The following ENTPD5 variants were observed in gnomAD, a reference collection of about 807,000 sequenced individuals.
ENTPD5 encodes the protein ectonucleoside triphosphate diphosphohydrolase 5 (inactive), also known as nucleoside diphosphate phosphatase ENTPD5.
Under a neutral mutation model 60.2 loss-of-function variants are expected in ENTPD5, and 49 were observed. The ratio of observed to expected loss-of-function variants is 0.81; its 90% CI spans 0.65 to 1.03. The LOEUF (loss-of-function observed/expected upper bound fraction) is 1.03, where lower values mean the gene tolerates loss of function less well. Among genes scored for constraint, ENTPD5 ranks in the 50% least tolerant of loss-of-function variants. ENTPD5 has a pLI of 0.00. For synonymous variants in ENTPD5, 187 were observed against 185.4 expected (o/e 1.01, Z -0.07); for missense variants, 480 against 507.6 (o/e 0.95, Z 0.52).
downstream of ENTPD5, chr14:73,959,097 A>T: frequency 6.2e-7 from 1 of 1,614,180 alleles, no homozygotes; most frequent in Non-Finnish European, 8.5e-7. Flanking sequence ...CTGAGCTGCC[A>T]TCTGGGGACT....
Position 73,966,346 on chromosome 14 carries a change from A to T in ENTPD5, c.*582T>A. On this transcript the variant is annotated 3_prime_UTR_variant, in exon 16 of 16. Coordinates refer to ENST00000334696, the MANE Select transcript of ENTPD5 (RefSeq NM_001249.5). ...ATGCACAGTTAGGAGTTACTCTCTC[A>T]TCCTATTAATATTTAGGATGGCTCT... 1 of 152,254 alleles carries T rather than the reference A, an allele frequency of 6.6e-6. No homozygotes were observed. Among genetic ancestry groups the T allele is most frequent in the East Asian group, 1.9e-4 (1 of 5,204 alleles). The allele number at this position is 152,254 out of a possible 1,614,324, so 9.4% of individuals were successfully genotyped here. A position where few individuals can be genotyped will look rare whatever the true frequency, so the allele number is the denominator to read the frequency against.
chr14:73,972,975 T>C lies in ENTPD5; in HGVS notation c.936A>G (p.Arg312=). Residue 312 remains arginine, a synonymous_variant, in exon 13 of 16, where the codon CGA becomes CGG. Coordinates refer to ENST00000334696, the MANE Select transcript of ENTPD5 (RefSeq NM_001249.5). ...PCYAEVLRVV[R]GKLHQPEEVQ... is the part of the protein sequence containing the mutation. ...CCTCCTCTGGCTGGTGAAGTTTTCC[T>C]CGTACCACCCTCAGCACTTCGGCAT... 3.7e-6 allele frequency: 6 copies of C among 1,614,206 alleles called. No homozygotes were observed. The highest frequency in any genetic ancestry group is 5.1e-6 in the Non-Finnish European group (6 of 1,180,038).
intron 3 of ENTPD5, among the ~76,000 whole-genome samples, chr14:74,008,686 C>T (rs1010046855): frequency 1.3e-5 from 2 of 151,496 alleles, no homozygotes; most frequent in Non-Finnish European, 2.9e-5. Context: ...TGAGCCACTG[C>T]GCCTGGCCTA....
chr14:73,990,006 C>CA (rs1437153023), intron 3 of ENTPD5, among the ~76,000 whole-genome samples: 1 of 151,078 alleles, frequency 6.6e-6, no homozygotes, highest in Non-Finnish European at 1.5e-5. Flanking sequence ...GACTTCGTCT[C>CA]AAAAAAAATA....
At chr14:73,975,023 TG>T in intron 10 of ENTPD5, 38 bp from the exon 11 acceptor site, 1 of 1,499,506 alleles carries the variant, frequency 6.7e-7, no homozygotes, top group Admixed American at 1.7e-5. Flanking sequence ...ATGCTGGTCC[TG>T]AAGTTCTCTA....
intron 6 of ENTPD5, 58 bp downstream of exon 6, chr14:73,982,960 T>C (rs994476651): frequency 7.1e-6 from 11 of 1,559,720 alleles, no homozygotes; most frequent in Non-Finnish European, 3.5e-6. Context: ...TAAAAACTCA[T>C]AAAGTATTCA....
chr14:73,987,289 T>C, intron 4 of ENTPD5: 5 of 615,620 alleles, frequency 8.1e-6, no homozygotes, highest in South Asian at 7.8e-5. Context: ...CCCTGGAGTA[T>C]CCCATGTTTA....
At chr14:73,956,502 A>C (rs916327965), downstream of ENTPD5, 2 of 154,252 alleles carry the variant, frequency 1.3e-5, no homozygotes, top group Non-Finnish European at 2.9e-5. Context: ...CAGTTTCTCC[A>C]CATCCTCACC....
chr14:73,984,854 T>A (rs1013958223), intron 5 of ENTPD5, among the ~76,000 whole-genome samples: 6 of 152,146 alleles, frequency 3.9e-5, no homozygotes, highest in Non-Finnish European at 5.9e-5. Flanking sequence ...ACCCATTAAC[T>A]CATCATTTAC....
intron 5 of ENTPD5, among the ~76,000 whole-genome samples, chr14:73,984,103 C>T (rs2057804511): frequency 6.6e-6 from 1 of 152,152 alleles, no homozygotes; most frequent in East Asian, 1.9e-4. Flanking sequence ...TCTCGGCTCA[C>T]TGCAACCTCT....
chr14:74,001,650 G>C (rs555265679), intron 3 of ENTPD5, among the ~76,000 whole-genome samples: 35 of 115,320 alleles, frequency 3.0e-4, no homozygotes, highest in African/African-American at 1.1e-3. Flanking sequence ...CCTGGCGAGA[G>C]AGCAAGACCT....
chr14:73,976,273 T>A, intron 9 of ENTPD5, 51 bp downstream of exon 9: 1 of 1,515,142 alleles, frequency 6.6e-7, no homozygotes, highest in East Asian at 2.3e-5. Context: ...CTTGGCACCA[T>A]GATACGCCTG....
chr14:74,015,270 A>C (rs2058982163), intron 2 of ENTPD5, among the ~76,000 whole-genome samples: 1 of 152,058 alleles, frequency 6.6e-6, no homozygotes, highest in Admixed American at 6.6e-5. Flanking sequence ...CCTCTAAGGT[A>C]AACCCGAATA....
downstream of ENTPD5, chr14:73,962,841 A>G (rs1189185430): frequency 2.6e-6 from 2 of 769,438 alleles, no homozygotes; most frequent in Non-Finnish European, 4.5e-6. Flanking sequence ...ATGTATGTAT[A>G]TTTTTCTTTT....
At chr14:74,011,914 T>C (rs1457387513) in intron 2 of ENTPD5, among the ~76,000 whole-genome samples, 1 of 151,912 alleles carries the variant, frequency 6.6e-6, no homozygotes, top group African/African-American at 2.4e-5. Flanking sequence ...GAGGCTGAGG[T>C]GAAAGAATCA....
intron 3 of ENTPD5, among the ~76,000 whole-genome samples, chr14:74,005,265 C>CAAAAAAAAA (rs71115941): frequency 1.3e-4 from 5 of 39,898 alleles, no homozygotes; most frequent in African/African-American, 3.4e-4. Context: ...GACTCAGTCT[C>CAAAAAAAAA]AAAAAAAAAA....
chr14:73,968,349 T>C (rs1010038361), intron 15 of ENTPD5, among the ~76,000 whole-genome samples: 10 of 152,098 alleles, frequency 6.6e-5, no homozygotes, highest in Non-Finnish European at 1.2e-4. Context: ...GGCCAAATGA[T>C]AGAGGAGTTT....
rs757024682 is a variant in ENTPD5 at position 73,975,961 on chromosome 14, T to C, written c.697A>G (p.Ser233Gly). 1.2e-6 allele frequency: 2 copies of C among 1,613,536 alleles called. No homozygotes were observed. The highest frequency in any genetic ancestry group is 3.3e-5 in the Admixed American group (2 of 60,016). The change falls in exon 10 of 16, where the codon AGC becomes GGC. Residue 233 changes from serine (S) to glycine (G), a missense_variant. Physicochemically the swap from Ser to Gly is moderately conservative, Grantham distance 56. Coordinates refer to ENST00000334696, the MANE Select transcript of ENTPD5 (RefSeq NM_001249.5). ...CTATGTGTATAGAGCTTATAAGTGC[T>C]GTTAAACATCTCAAAGGAAGTGAGG... is the stretch of plus-strand genomic sequence containing the variant. ...GYLTSFEMFNSTYKLYTHSYL... is the reference protein window; with the variant it reads ...GYLTSFEMFNGTYKLYTHSYL...
At chr14:73,972,786 C>A in intron 13 of ENTPD5, 98 bp downstream of exon 13, 1 of 1,385,322 alleles carries the variant, frequency 7.2e-7, no homozygotes, top group South Asian at 1.4e-5. Context: ...GGTGGGTAAT[C>A]ACCCCGACAA....
Sources: allele counts gnomAD v4.1 joint callset (sites outside exome capture counted in the v4.1 genomes callset), GRCh38; gene constraint gnomAD v4.1.1; transcripts MANE v1.5; gene names NCBI Gene and HGNC (gene_info 2026-07-23, HGNC 2026-07-21).